The following SRD5A2 variants were observed in gnomAD, a reference collection of about 807,000 sequenced individuals.
SRD5A2 encodes the protein 3-oxo-5-alpha-steroid 4-dehydrogenase 2.
In SRD5A2, 30 loss-of-function variants were observed where a neutral mutation model predicts 27.4. That is an observed-to-expected ratio of 1.10 (90% CI 0.82 to 1.49). The LOEUF (loss-of-function observed/expected upper bound fraction) is 1.49. SRD5A2 is among the 40% of genes most tolerant of loss of function. SRD5A2 has a pLI of 0.00. For missense variants in SRD5A2, 348 were observed against 323.4 expected, an observed-to-expected ratio of 1.08 and a Z score of -0.58; for synonymous variants, 141 against 133.6, an observed-to-expected ratio of 1.06 and a Z score of -0.38.
the SRD5A2 span, among the ~76,000 whole-genome samples, chr2:31,653,898 A>C: frequency 6.6e-6 from 1 of 152,140 alleles, no homozygotes. Context: ...ACCTCAGGTG[A>C]TCTGCCCGCC....
the SRD5A2 span, among the ~76,000 whole-genome samples, chr2:31,632,876 A>G: frequency 6.6e-6 from 1 of 152,146 alleles, no homozygotes. Flanking sequence ...GACTCTAAGC[A>G]TGCTTACCTA....
At chr2:31,644,183 T>C in the SRD5A2 span, among the ~76,000 whole-genome samples, 2 of 152,140 alleles carry the variant, frequency 1.3e-5, no homozygotes, top group Non-Finnish European at 2.9e-5. Flanking sequence ...TAATATGTAA[T>C]AATGAGAAAA....
the SRD5A2 span, among the ~76,000 whole-genome samples, chr2:31,650,788 G>A: frequency 6.6e-6 from 1 of 152,296 alleles, no homozygotes; most frequent in South Asian, 2.1e-4. Context: ...TCAAGACACT[G>A]AGAAGAGACA....
the SRD5A2 span, among the ~76,000 whole-genome samples, chr2:31,643,658 A>G: frequency 6.6e-6 from 1 of 152,174 alleles, no homozygotes; most frequent in Admixed American, 6.5e-5. Context: ...TATAATGAAC[A>G]CAGAACATCT....
At chr2:31,533,367 G>T (rs1173198507) in intron 2 of SRD5A2, among the ~76,000 whole-genome samples, 1 of 152,196 alleles carries the variant, frequency 6.6e-6, no homozygotes, top group Non-Finnish European at 1.5e-5. Flanking sequence ...GAAGGAATTT[G>T]TATTTTATTT....
At chr2:31,644,617 CA>C in the SRD5A2 span, among the ~76,000 whole-genome samples, 1 of 152,188 alleles carries the variant, frequency 6.6e-6, no homozygotes, top group Admixed American at 6.5e-5. Flanking sequence ...GCCTGCGGCT[CA>C]CCTCCTGCTG....
chr2:31,561,035 C>G (rs1666610933), intron 1 of SRD5A2, among the ~76,000 whole-genome samples: 1 of 152,150 alleles, frequency 6.6e-6, no homozygotes, highest in Admixed American at 6.5e-5. Context: ...ATATACCTAT[C>G]CCAACCCTAG....
chr2:31,648,336 A>G, the SRD5A2 span, among the ~76,000 whole-genome samples: 3 of 152,140 alleles, frequency 2.0e-5, no homozygotes, highest in African/African-American at 7.2e-5. Context: ...AAGAGACACA[A>G]TTTTTTCAGT....
At chr2:31,569,167 G>A (rs555077214) in intron 1 of SRD5A2, among the ~76,000 whole-genome samples, 15 of 152,338 alleles carry the variant, frequency 9.8e-5, no homozygotes, top group East Asian at 1.9e-4. Context: ...TGTGGAGTGC[G>A]CAGCCCCAGC....
intron 1 of SRD5A2, among the ~76,000 whole-genome samples, chr2:31,537,833 T>C (rs1342190503): frequency 6.6e-6 from 1 of 152,198 alleles, no homozygotes; most frequent in East Asian, 1.9e-4. Context: ...AATGGATTAA[T>C]GCTGCTATAA....
chr2:31,570,453 T>C (rs1016237060), intron 1 of SRD5A2, among the ~76,000 whole-genome samples: 2 of 152,180 alleles, frequency 1.3e-5, no homozygotes, highest in Admixed American at 6.6e-5. Context: ...GCATTCCCCT[T>C]GAAAACTAGA....
chr2:31,551,506 A>C (rs1393208882), intron 1 of SRD5A2, among the ~76,000 whole-genome samples: 1 of 152,142 alleles, frequency 6.6e-6, no homozygotes, highest in African/African-American at 2.4e-5. Flanking sequence ...ACATTAACCT[A>C]CAGTTCAGCA....
At chr2:31,644,356 G>C in the SRD5A2 span, among the ~76,000 whole-genome samples, 1 of 152,192 alleles carries the variant, frequency 6.6e-6, no homozygotes, top group Non-Finnish European at 1.5e-5. Flanking sequence ...TGGATTTTGA[G>C]CCAGGACAGA....
the SRD5A2 span, among the ~76,000 whole-genome samples, chr2:31,643,165 A>G: frequency 6.6e-6 from 1 of 152,120 alleles, no homozygotes; most frequent in African/African-American, 2.4e-5. Context: ...GCATTTCATT[A>G]TATATGAAAT....
chr2:31,569,542 C>A (rs1159618220), intron 1 of SRD5A2, among the ~76,000 whole-genome samples: 1 of 152,072 alleles, frequency 6.6e-6, no homozygotes. Context: ...CATACGTTTT[C>A]TTTGGCAAAG....
At chr2:31,567,024 T>TAAAAG (rs1277503993) in intron 1 of SRD5A2, among the ~76,000 whole-genome samples, 4 of 152,226 alleles carry the variant, frequency 2.6e-5, no homozygotes, top group Admixed American at 6.5e-5. Flanking sequence ...TCCATATATT[T>TAAAAG]ATTTCCATAC....
intron 1 of SRD5A2, among the ~76,000 whole-genome samples, chr2:31,553,542 G>A (rs900789496): frequency 3.9e-5 from 6 of 152,106 alleles, no homozygotes; most frequent in South Asian, 2.1e-4. Flanking sequence ...AATGTGACAC[G>A]TCACATACAA....
At chr2:31,597,919 A>T in the SRD5A2 span, among the ~76,000 whole-genome samples, 1 of 152,168 alleles carries the variant, frequency 6.6e-6, no homozygotes, top group Non-Finnish European at 1.5e-5. Flanking sequence ...CTAAAAGTAG[A>T]ACTACCATTT....
the SRD5A2 span, among the ~76,000 whole-genome samples, chr2:31,629,225 T>C: frequency 1.3e-5 from 2 of 152,138 alleles, no homozygotes; most frequent in Admixed American, 1.3e-4. Flanking sequence ...TGGCTTCTAA[T>C]AGAGCTATAA....
Sources: gnomAD v4.1 joint callset for allele counts (sites outside exome capture counted in the v4.1 genomes callset) on GRCh38, gnomAD v4.1.1 for gene constraint, MANE v1.5 for transcripts, NCBI Gene and HGNC (gene_info 2026-07-23, HGNC 2026-07-21) for gene names.